Variants in NKAIN2 observed in about 807,000 individuals in gnomAD.
The protein encoded by NKAIN2 is sodium/potassium transporting ATPase interacting 2, also known as sodium/potassium-transporting ATPase subunit beta-1-interacting protein 2.
A neutral mutation model predicts 32.6 loss-of-function variants in NKAIN2; 14 were observed. The ratio of observed to expected loss-of-function variants is 0.43; its 90% CI spans 0.28 to 0.67. The LOEUF (loss-of-function observed/expected upper bound fraction) is 0.67, where lower values mean the gene tolerates loss of function less well. Ranked by LOEUF, NKAIN2 falls within the 30% of genes least tolerant of loss-of-function variation. The probability of loss-of-function intolerance (pLI) is 0.17; values close to 1 mark genes in which losing one functional copy is unlikely to be tolerated. For missense variants in NKAIN2, 198 were observed against 258.3 expected (o/e 0.77, Z 1.60); for synonymous variants, 80 against 87.2 (o/e 0.92, Z 0.46).
chr6:123,833,153 T>G (rs189516064), intron 1 of NKAIN2, among the ~76,000 whole-genome samples: 3 of 152,282 alleles, frequency 2.0e-5, no homozygotes, highest in Admixed American at 2.0e-4. Context: ...TAGAGTCACT[T>G]TTTTTTGCAT....
At chr6:124,793,167 G>A (rs555799255) in intron 5 of NKAIN2, among the ~76,000 whole-genome samples, 35 of 152,174 alleles carry the variant, frequency 2.3e-4, no homozygotes, top group East Asian at 1.9e-4. Flanking sequence ...CTGTGATAAG[G>A]GAAAAAGAGG....
At chr6:124,798,876 AC>A (rs1327780983) in intron 5 of NKAIN2, among the ~76,000 whole-genome samples, 1 of 152,034 alleles carries the variant, frequency 6.6e-6, no homozygotes, top group Non-Finnish European at 1.5e-5. Flanking sequence ...ATCAAGATCC[AC>A]CCCTGTCTTG....
chr6:123,804,270 G>A lies in NKAIN2; in HGVS notation c.54+16G>A, dbSNP rs770208468. 33 of 1,607,852 alleles carry A rather than the reference G, an allele frequency of 2.1e-5. No individual in the cohort carries two copies. In the East Asian group the frequency reaches 7.1e-4, roughly 35 times the overall value. The stretch of plus-strand genomic sequence containing the variant: ...CATGCAACTGGTAAGTGACACTTGG[G>A]TCCCCTTATTCTGTAATGTGTCTTT... On this transcript the variant is annotated intron_variant, in intron 1 of 6. Coordinates refer to ENST00000368417, the MANE Select transcript of NKAIN2 (RefSeq NM_001040214.3).
At chr6:124,779,839 A>G (rs1779179961) in intron 4 of NKAIN2, among the ~76,000 whole-genome samples, 1 of 152,208 alleles carries the variant, frequency 6.6e-6, no homozygotes, top group Non-Finnish European at 1.5e-5. Context: ...CAAATTCAGC[A>G]GAAGAACTGC....
intron 3 of NKAIN2, among the ~76,000 whole-genome samples, chr6:124,623,045 C>T (rs774126117): frequency 1.3e-5 from 2 of 152,118 alleles, no homozygotes; most frequent in Non-Finnish European, 2.9e-5. Flanking sequence ...TTCTACCCAG[C>T]ATTTCCCTGC....
At chr6:123,863,647 G>C (rs1387766374) in intron 1 of NKAIN2, among the ~76,000 whole-genome samples, 8 of 152,218 alleles carry the variant, frequency 5.3e-5, no homozygotes, top group Admixed American at 5.2e-4. Flanking sequence ...ACCATTGGGA[G>C]TAGAGTTGGT....
At chr6:124,747,244 T>C (rs1380442821) in intron 4 of NKAIN2, among the ~76,000 whole-genome samples, 1 of 152,042 alleles carries the variant, frequency 6.6e-6, no homozygotes, top group East Asian at 1.9e-4. Context: ...ACAGGTCTTT[T>C]CTCACTCTGT....
intron 1 of NKAIN2, among the ~76,000 whole-genome samples, chr6:124,032,085 T>C (rs954562589): frequency 1.3e-5 from 2 of 151,658 alleles, no homozygotes; most frequent in Admixed American, 6.6e-5. Context: ...TATGCAGCCA[T>C]GAAAGGGATG....
chr6:124,360,326 A>G (rs9385328), intron 3 of NKAIN2, among the ~76,000 whole-genome samples: 126,527 of 152,104 alleles, frequency 0.83, 52,727 homozygotes, highest in African/African-American at 0.87. Context: ...TCTATTGATT[A>G]GGCTGTCTTT....
chr6:124,010,302 T>C (rs1780267655), intron 1 of NKAIN2, among the ~76,000 whole-genome samples: 2 of 152,074 alleles, frequency 1.3e-5, no homozygotes, highest in Non-Finnish European at 2.9e-5. Context: ...TCTACACTAC[T>C]CTTGATACTG....
chr6:123,950,463 C>T (rs1283753710), intron 1 of NKAIN2, among the ~76,000 whole-genome samples: 2 of 151,868 alleles, frequency 1.3e-5, no homozygotes, highest in African/African-American at 4.8e-5. Context: ...TTTTTTATTA[C>T]TGACAGTCTA....
chr6:124,226,700 T>C (rs1481711303), intron 1 of NKAIN2, among the ~76,000 whole-genome samples: 4 of 152,076 alleles, frequency 2.6e-5, no homozygotes, highest in African/African-American at 4.8e-5. Flanking sequence ...GTCTAGACTT[T>C]GGGAAGGCAA....
chr6:123,947,955 T>A (rs1276451915), intron 1 of NKAIN2, among the ~76,000 whole-genome samples: 2 of 152,122 alleles, frequency 1.3e-5, no homozygotes, highest in African/African-American at 4.8e-5. Context: ...GTATCTCTTA[T>A]TGTCTACCTC....
intron 1 of NKAIN2, among the ~76,000 whole-genome samples, chr6:123,833,758 C>T (rs1414499364): frequency 2.9e-5 from 4 of 137,508 alleles, no homozygotes; most frequent in East Asian, 2.1e-4. Context: ...TTTTGAGTCT[C>T]GCTTTGTTGC....
chr6:124,125,322 C>T (rs1397296758), intron 1 of NKAIN2, among the ~76,000 whole-genome samples: 1 of 152,160 alleles, frequency 6.6e-6, no homozygotes, highest in Non-Finnish European at 1.5e-5. Context: ...ATTTTACCTG[C>T]ATGAAACATT....
At chr6:124,758,449 G>A (rs1021521992) in intron 4 of NKAIN2, among the ~76,000 whole-genome samples, 6 of 152,228 alleles carry the variant, frequency 3.9e-5, no homozygotes, top group Admixed American at 2.6e-4. Context: ...AGAATCTGCC[G>A]GCACCTTAAT....
intron 3 of NKAIN2, among the ~76,000 whole-genome samples, chr6:124,358,297 A>G (rs113748023): frequency 0.23 from 34,824 of 151,818 alleles, 4,077 homozygotes; most frequent in Admixed American, 0.3. Context: ...ACCCAGTAAT[A>G]GAATGGCTGG....
intron 2 of NKAIN2, among the ~76,000 whole-genome samples, chr6:124,329,735 G>C (rs1302551129): frequency 6.6e-6 from 1 of 152,176 alleles, no homozygotes; most frequent in Non-Finnish European, 1.5e-5. Flanking sequence ...ATCTTCAAAA[G>C]CCAGATTGGT....
intron 3 of NKAIN2, among the ~76,000 whole-genome samples, chr6:124,474,863 T>TATATACATATA (rs1777128871): frequency 1.2e-4 from 1 of 8,112 alleles, no homozygotes; most frequent in African/African-American, 6.1e-4. Flanking sequence ...ATATATATTT[T>TATATACATATA]ATATACATAT....
Sources: allele counts gnomAD v4.1 joint callset (sites outside exome capture counted in the v4.1 genomes callset), GRCh38; gene constraint gnomAD v4.1.1; transcripts MANE v1.5; gene names NCBI Gene and HGNC (gene_info 2026-07-23, HGNC 2026-07-21).